The following ADGRB3 variants were observed in gnomAD, a reference collection of about 807,000 sequenced individuals.
ADGRB3 encodes brain-specific angiogenesis inhibitor 3.
A neutral mutation model predicts 193.4 loss-of-function variants in ADGRB3; 37 were observed. The observed-to-expected ratio is 0.19, with a 90% CI of 0.15 to 0.25. The LOEUF is 0.25. ADGRB3 is among the 10% of genes least tolerant of loss of function. The pLI is 1.00. For synonymous variants in ADGRB3, 690 were observed against 644.2 expected (o/e 1.07, Z -1.08); for missense variants, 1,637 against 1,852.9 (o/e 0.88, Z 2.14).
chr6:68,886,295 C>T (rs1641551365), intron 3 of ADGRB3, among the ~76,000 whole-genome samples: 1 of 152,010 alleles, frequency 6.6e-6, no homozygotes, highest in African/African-American at 2.4e-5. Context: ...GTACTCATTA[C>T]CAAACCTAAA....
intron 3 of ADGRB3, among the ~76,000 whole-genome samples, chr6:68,850,596 A>T (rs543475100): frequency 6.6e-6 from 1 of 152,120 alleles, no homozygotes; most frequent in South Asian, 2.1e-4. Flanking sequence ...TGATGTTCAG[A>T]TTAAGTTACT....
intron 3 of ADGRB3, among the ~76,000 whole-genome samples, chr6:68,748,916 C>T (rs988812893): frequency 4.6e-5 from 7 of 152,222 alleles, no homozygotes; most frequent in Admixed American, 1.3e-4. Context: ...TGTGCATCCA[C>T]AGGCCCAATG....
intron 3 of ADGRB3, among the ~76,000 whole-genome samples, chr6:68,881,142 A>G (rs1000446617): frequency 2.0e-5 from 3 of 150,806 alleles, no homozygotes; most frequent in Non-Finnish European, 4.4e-5. Context: ...TAACCCAGGT[A>G]TACCCCCAGG....
intron 19 of ADGRB3, among the ~76,000 whole-genome samples, chr6:69,236,242 T>A (rs1201922325): frequency 6.6e-6 from 1 of 151,786 alleles, no homozygotes. Context: ...TTATGAAGAG[T>A]TTTTATGCTT....
chr6:69,128,160 T>C (rs1055785270), intron 17 of ADGRB3, among the ~76,000 whole-genome samples: 4 of 152,166 alleles, frequency 2.6e-5, no homozygotes, highest in African/African-American at 9.7e-5. Context: ...GAACTGTCTA[T>C]ACCTATTATC....
intron 3 of ADGRB3, among the ~76,000 whole-genome samples, chr6:68,791,340 A>G (rs1381826057): frequency 6.6e-6 from 1 of 152,236 alleles, no homozygotes; most frequent in Admixed American, 6.5e-5. Context: ...AAACAAGTAT[A>G]AAAGTGTGTG....
chr6:69,020,162 T>C (rs1770221908), intron 13 of ADGRB3, among the ~76,000 whole-genome samples: 1 of 152,034 alleles, frequency 6.6e-6, no homozygotes, highest in Non-Finnish European at 1.5e-5. Flanking sequence ...TGTTTTCTTC[T>C]TCTTGTTGTA....
intron 3 of ADGRB3, among the ~76,000 whole-genome samples, chr6:68,694,864 T>C (rs1765131923): frequency 6.6e-6 from 1 of 152,054 alleles, no homozygotes; most frequent in African/African-American, 2.4e-5. Context: ...CTCCCAAGCA[T>C]TGTGGTTAAT....
At chr6:68,888,812 G>A (rs1765987808) in intron 3 of ADGRB3, among the ~76,000 whole-genome samples, 1 of 152,120 alleles carries the variant, frequency 6.6e-6, no homozygotes. Flanking sequence ...GAGTATTAAA[G>A]GCAGAGGGAA....
chr6:69,234,565 T>C (rs1040013373), intron 18 of ADGRB3, among the ~76,000 whole-genome samples: 2 of 152,132 alleles, frequency 1.3e-5, no homozygotes, highest in South Asian at 4.1e-4. Context: ...GTTTGAAAAA[T>C]CTTCAATATC....
chr6:69,230,588 T>C (rs1228902102), intron 17 of ADGRB3, among the ~76,000 whole-genome samples: 1 of 152,348 alleles, frequency 6.6e-6, no homozygotes, highest in East Asian at 1.9e-4. Context: ...TTTGTAATAA[T>C]AGTTATATGT....
intron 17 of ADGRB3, among the ~76,000 whole-genome samples, chr6:69,117,288 A>G (rs925268924): frequency 2.0e-5 from 3 of 152,192 alleles, no homozygotes; most frequent in Admixed American, 2.0e-4. Flanking sequence ...AAGTTCTACA[A>G]GTTTTGTTAG....
chr6:69,151,340 G>A lies in ADGRB3; in HGVS notation c.2480+75302G>A, dbSNP rs76994236. 3.1e-3 allele frequency among the ~76,000 whole-genome samples: 468 copies of A among 152,244 alleles called. 2 individuals are homozygous for A. The highest frequency in any genetic ancestry group is 0.011 in the African/African-American group (438 of 41,538). On this transcript the variant is annotated intron_variant, in intron 17 of 31. Coordinates refer to ENST00000370598, the MANE Select transcript of ADGRB3 (RefSeq NM_001704.3). ...TGCTAATCTCAATGTTCCTTCTGTG[G>A]GCATCAGTTGAGTTTTGCCTGGTGT...
chr6:68,975,291 C>T lies in ADGRB3; in HGVS notation c.1685C>T (p.Pro562Leu), dbSNP rs775361384. The change falls in exon 10 of 32, where the codon CCG (proline) becomes CTG (leucine). Residue 562 changes from proline to leucine, a missense_variant. By Grantham distance (98) the Pro-to-Leu change is moderately conservative. Transcript: ENST00000370598. ...CATGGAGTGGCCTTCTGGGAACAGCCGAGCTTTGCAAGATGCATATCAAAT... is the reference window on the plus strand; with the variant it reads ...CATGGAGTGGCCTTCTGGGAACAGCTGAGCTTTGCAAGATGCATATCAAAT... The part of the protein sequence containing the change: ...SLHGVAFWEQ[P>L]SFARCISNEY... 8 of 1,613,974 alleles carry T rather than the reference C, an allele frequency of 5.0e-6. No homozygotes were observed. The highest frequency in any genetic ancestry group is 1.7e-4 in the Middle Eastern group (1 of 6,056).
At chr6:69,042,655 T>A (rs1273385906) in intron 13 of ADGRB3, among the ~76,000 whole-genome samples, 1 of 152,222 alleles carries the variant, frequency 6.6e-6, no homozygotes, top group East Asian at 1.9e-4. Context: ...CGTTCTCTCC[T>A]GACCCTATAT....
chr6:69,145,617 T>G (rs1446612309), intron 17 of ADGRB3, among the ~76,000 whole-genome samples: 1 of 152,162 alleles, frequency 6.6e-6, no homozygotes, highest in Non-Finnish European at 1.5e-5. Context: ...CCAGGAAGAA[T>G]GAGATATGTA....
chr6:69,266,225 A>C (rs1486054973), intron 20 of ADGRB3, among the ~76,000 whole-genome samples: 1 of 152,012 alleles, frequency 6.6e-6, no homozygotes, highest in African/African-American at 2.4e-5. Flanking sequence ...ATATTTGTAT[A>C]TGTATCGTCA....
chr6:69,106,790 A>G (rs1357827840), intron 17 of ADGRB3, among the ~76,000 whole-genome samples: 4 of 152,254 alleles, frequency 2.6e-5, no homozygotes, highest in African/African-American at 4.8e-5. Context: ...GCTATTGGCC[A>G]TGTAAAAGAC....
At chr6:68,854,510 T>C (rs1450789000) in intron 3 of ADGRB3, among the ~76,000 whole-genome samples, 1 of 152,024 alleles carries the variant, frequency 6.6e-6, no homozygotes, top group Non-Finnish European at 1.5e-5. Context: ...GATGCGATTG[T>C]ATATATAAAT....
Sources: gnomAD v4.1 joint callset for allele counts (sites outside exome capture counted in the v4.1 genomes callset) on GRCh38, gnomAD v4.1.1 for gene constraint, MANE v1.5 for transcripts, NCBI Gene and HGNC (gene_info 2026-07-23, HGNC 2026-07-21) for gene names.